CFAP47: variants seen among roughly 807,000 people sequenced by gnomAD.
CFAP47 encodes the protein cilia and flagella associated protein 47.
CFAP47 carries 29 observed loss-of-function variants against 148.1 expected under a neutral mutation model. The ratio of observed to expected loss-of-function variants is 0.20; its 90% CI spans 0.15 to 0.27. The LOEUF is 0.27. Ranked by LOEUF, CFAP47 falls within the 10% of genes least tolerant of loss-of-function variation. The probability of loss-of-function intolerance (pLI) is 1.00; values close to 1 mark genes in which losing one functional copy is unlikely to be tolerated. For missense variants in CFAP47, 1,872 were observed against 1,697.5 expected (o/e 1.10, Z -1.81); for synonymous variants, 664 against 577.3 (o/e 1.15, Z -2.15).
At chrX:36,250,406 TG>T (rs34274743) in intron 48 of CFAP47, among the ~76,000 whole-genome samples, 1 of 110,181 alleles carries the variant, frequency 9.1e-6, no homozygotes, top group Non-Finnish European at 1.9e-5. Context: ...CAGGAGCTGA[TG>T]GGGGGAGTTG....
intron 46 of CFAP47, among the ~76,000 whole-genome samples, chrX:36,230,048 G>A (rs1466553338): frequency 2.7e-5 from 3 of 109,753 alleles, no homozygotes; most frequent in African/African-American, 1.0e-4. Context: ...CTTTGCTACT[G>A]TGAACAGTGC....
chrX:36,371,966 A>G (rs181813296), intron 62 of CFAP47, among the ~76,000 whole-genome samples: 2 of 100,571 alleles, frequency 2.0e-5, no homozygotes, highest in Admixed American at 2.1e-4. Flanking sequence ...ATATACACAC[A>G]TGTGTATATG....
At chrX:36,048,638 C>A (rs1384112906) in intron 26 of CFAP47, among the ~76,000 whole-genome samples, 1 of 111,389 alleles carries the variant, frequency 9.0e-6, no homozygotes, top group Non-Finnish European at 1.9e-5. Flanking sequence ...TAATGTGCTC[C>A]CAGCTCAGAG....
chrX:36,377,669 T>G (rs942864680), intron 62 of CFAP47, among the ~76,000 whole-genome samples: 2 of 111,952 alleles, frequency 1.8e-5, no homozygotes, highest in Admixed American at 9.5e-5. Flanking sequence ...GTTCCTGTTC[T>G]GCCATTTTAT....
intron 48 of CFAP47, among the ~76,000 whole-genome samples, chrX:36,239,885 A>G (rs1320635175): frequency 8.9e-6 from 1 of 111,840 alleles, no homozygotes; most frequent in African/African-American, 3.2e-5. Context: ...GTTTTAAACT[A>G]CTTGAGTACT....
chrX:36,366,993 C>T lies in CFAP47; in HGVS notation c.9051C>T (p.Cys3017=), dbSNP rs782625954. 1.1e-5 allele frequency: 13 copies of T among 1,148,446 alleles called. No individual in the cohort carries two copies. In the South Asian group the frequency reaches 1.4e-4, roughly 12 times the overall value. 94.6% of individuals were successfully genotyped at this position (1,148,446 alleles called of 1,213,427 possible). A position where few individuals can be genotyped will look rare whatever the true frequency, so the allele number is the denominator to read the frequency against. Residue 3017 remains cysteine (C), a synonymous_variant, in exon 62 of 64, where the codon TGC becomes TGT. Transcript: ENST00000378653. The part of the protein sequence containing the change: ...LRSHITLKIE[C]VTEGIWKFPI... ...CTCACATAACACTGAAAATAGAGTGCGTAACAGAAGGGATCTGGAAGTTTC... is the reference window on the plus strand; with the variant it reads ...CTCACATAACACTGAAAATAGAGTGTGTAACAGAAGGGATCTGGAAGTTTC...
At chrX:35,973,329 A>G (rs1936521361) in intron 13 of CFAP47, among the ~76,000 whole-genome samples, 1 of 110,502 alleles carries the variant, frequency 9.0e-6, no homozygotes, top group African/African-American at 3.3e-5. Context: ...AGCTGGGACT[A>G]CAGGCATCCG....
intron 2 of CFAP47, among the ~76,000 whole-genome samples, chrX:35,930,903 ACTTTC>A (rs1165525673): frequency 3.6e-5 from 4 of 111,252 alleles, no homozygotes; most frequent in African/African-American, 6.5e-5. Context: ...TCTATCGTTG[ACTTTC>A]CTTTCATTTT....
At chrX:36,123,617 G>A (rs1938786266) in intron 33 of CFAP47, among the ~76,000 whole-genome samples, 1 of 110,617 alleles carries the variant, frequency 9.0e-6, no homozygotes, top group Admixed American at 9.6e-5. Flanking sequence ...GTTTTTTTTA[G>A]GCCCAAGGGC....
chrX:36,154,758 T>G (rs1248084288), intron 37 of CFAP47, among the ~76,000 whole-genome samples: 1 of 110,563 alleles, frequency 9.0e-6, no homozygotes, highest in African/African-American at 3.3e-5. Flanking sequence ...ATTTTGAGCC[T>G]GCACCATAAT....
intron 51 of CFAP47, among the ~76,000 whole-genome samples, chrX:36,296,533 A>C (rs1941243952): frequency 8.9e-6 from 1 of 112,414 alleles, no homozygotes; most frequent in South Asian, 3.6e-4. Flanking sequence ...TTGTTTTGTA[A>C]AACTTTTGTG....
chrX:36,195,137 C>T (rs781924059), intron 42 of CFAP47, among the ~76,000 whole-genome samples: 17 of 112,711 alleles, frequency 1.5e-4, no homozygotes, highest in African/African-American at 5.5e-4. Flanking sequence ...GAAACATGTC[C>T]GCTAATTTCT....
intron 57 of CFAP47, among the ~76,000 whole-genome samples, chrX:36,331,242 G>GTTATAT (rs1941562780): frequency 9.0e-6 from 1 of 111,260 alleles, no homozygotes; most frequent in East Asian, 2.8e-4. Context: ...TTCTTGAAAT[G>GTTATAT]TTATATTCAC....
chrX:36,026,087 A>G (rs1937213156), intron 22 of CFAP47, among the ~76,000 whole-genome samples: 1 of 111,869 alleles, frequency 8.9e-6, no homozygotes, highest in Admixed American at 9.5e-5. Flanking sequence ...TTGTCCTTCC[A>G]CAAAAATTTG....
At chrX:36,039,573 G>A (rs980528266) in intron 25 of CFAP47, among the ~76,000 whole-genome samples, 1 of 112,276 alleles carries the variant, frequency 8.9e-6, no homozygotes, top group African/African-American at 3.2e-5. Context: ...TGTCTTAGCT[G>A]CATCCTCTGC....
intron 39 of CFAP47, among the ~76,000 whole-genome samples, chrX:36,169,974 A>C (rs1424673784): frequency 8.9e-6 from 1 of 111,986 alleles, no homozygotes; most frequent in Non-Finnish European, 1.9e-5. Context: ...GCTCAGGAAT[A>C]AGATTTTTTT....
At chrX:36,111,179 C>A (rs1938549272) in intron 33 of CFAP47, among the ~76,000 whole-genome samples, 1 of 111,496 alleles carries the variant, frequency 9.0e-6, no homozygotes, top group African/African-American at 3.3e-5. Flanking sequence ...TTCATCTGTG[C>A]TGGTTTTCAA....
chrX:36,193,991 A>G (rs1014343671), intron 42 of CFAP47, among the ~76,000 whole-genome samples: 1 of 111,654 alleles, frequency 9.0e-6, no homozygotes, highest in Admixed American at 9.5e-5. Flanking sequence ...ACCTCACATG[A>G]CATGGCACAG....
chrX:36,308,250 T>TC (rs1320815430), intron 55 of CFAP47, among the ~76,000 whole-genome samples: 1 of 111,478 alleles, frequency 9.0e-6, no homozygotes, highest in Admixed American at 9.5e-5. Context: ...CTTCTATGAG[T>TC]CAGTTGAACA....
Sources: gnomAD v4.1 joint callset for allele counts (sites outside exome capture counted in the v4.1 genomes callset) on GRCh38, gnomAD v4.1.1 for gene constraint, MANE v1.5 for transcripts, NCBI Gene and HGNC (gene_info 2026-07-23, HGNC 2026-07-21) for gene names.